Variants in REV3L observed in about 807,000 individuals in gnomAD.
The protein encoded by REV3L is REV3 like, DNA directed polymerase zeta catalytic subunit.
A neutral mutation model predicts 299.4 loss-of-function variants in REV3L; 69 were observed. That is an observed-to-expected ratio of 0.23 (90% confidence interval 0.19 to 0.28). The LOEUF (loss-of-function observed/expected upper bound fraction) is 0.28. REV3L is among the 10% of genes least tolerant of loss of function. The probability of loss-of-function intolerance (pLI) is 1.00; values close to 1 mark genes in which losing one functional copy is unlikely to be tolerated. For synonymous variants in REV3L, 1,238 were observed against 1,271.4 expected, an observed-to-expected ratio of 0.97 and a Z score of 0.56; for missense variants, 3,128 against 3,693.8, an observed-to-expected ratio of 0.85 and a Z score of 3.97.
intron 30 of REV3L, 111 bp downstream of exon 30, chr6:111,309,742 T>C: frequency 8.0e-7 from 1 of 1,256,922 alleles, no homozygotes; most frequent in Non-Finnish European, 1.1e-6. Context: ...GACCACACTC[T>C]TCCCTTCCCA....
Position 111,373,181 on chromosome 6 carries a change from G to C in REV3L, c.5174C>G (p.Pro1725Arg), listed in dbSNP as rs1779972764. The C allele has an allele frequency of 6.2e-7, 1 of 1,614,002 alleles. No individual in the cohort carries two copies. The highest frequency in any genetic ancestry group is 8.5e-7 in the Non-Finnish European group (1 of 1,180,018). Reference protein sequence around the residue: ...ASWIRSGTLSPEIFEKSTIDS... With the variant: ...ASWIRSGTLSREIFEKSTIDS... ...TATGGTTGACTTCTCAAAAATTTCA[G>C]GACTTAAAGTACCAGATCTAATCCA... The change falls in exon 13 of 32, where the codon CCT becomes CGT. Residue 1725 changes from proline (P) to arginine (R), a missense_variant. Pro to Arg is a moderately radical substitution (Grantham distance 103). Around this residue, in one of 9 missense-constraint regions of REV3L, gnomAD observed 2,409 missense variants for 2,611.8 expected, o/e 0.92. Transcript: ENST00000368802.
intron 18 of REV3L, among the ~76,000 whole-genome samples, chr6:111,355,013 G>T (rs1011880447): frequency 6.6e-6 from 1 of 152,080 alleles, no homozygotes; most frequent in African/African-American, 2.4e-5. Context: ...ATTTAGGGAA[G>T]AGGAAAAGGG....
At chr6:111,380,450 G>A (rs1030054406) in intron 10 of REV3L, among the ~76,000 whole-genome samples, 11 of 152,046 alleles carry the variant, frequency 7.2e-5, no homozygotes, top group African/African-American at 2.2e-4. Flanking sequence ...TAGCAGAGAT[G>A]GGGTTTCACC....
intron 1 of REV3L, among the ~76,000 whole-genome samples, chr6:111,455,650 G>C (rs940205246): frequency 6.6e-6 from 1 of 152,072 alleles, no homozygotes; most frequent in Admixed American, 6.6e-5. Context: ...CCATGGAAAT[G>C]GACAGAGAAT....
intron 22 of REV3L, among the ~76,000 whole-genome samples, chr6:111,334,832 C>T (rs1775751770): frequency 6.6e-6 from 1 of 152,128 alleles, no homozygotes; most frequent in Non-Finnish European, 1.5e-5. Context: ...GTTATAGACA[C>T]AGGTAATTAA....
In REV3L at chr6:111,374,687, T is replaced by C. The variant is rs1780121393; in HGVS notation, c.3668A>G (p.His1223Arg). ...KTNEKGTSRKHTTLKDEKIKS... is the reference protein window; with the variant it reads ...KTNEKGTSRKRTTLKDEKIKS... ...TATTTTTTCATCCTTAAGTGTTGTATGCTTTCTCGATGTACCTTTCTCATT... is the reference window on the plus strand; with the variant it reads ...TATTTTTTCATCCTTAAGTGTTGTACGCTTTCTCGATGTACCTTTCTCATT... Residue 1223 changes from histidine (H) to arginine (R), a missense_variant, in exon 13 of 32, where the codon CAT becomes CGT. His to Arg is a conservative substitution (Grantham distance 29). Transcript: ENST00000368802. The C allele has an allele frequency of 6.2e-7, 1 of 1,613,398 alleles. No individual in the cohort carries two copies. The highest frequency in any genetic ancestry group is 8.5e-7 in the Non-Finnish European group (1 of 1,179,908).
chr6:111,351,918 G>T, intron 18 of REV3L, 127 bp from the exon 19 acceptor site: 1 of 579,780 alleles, frequency 1.7e-6, no homozygotes. Flanking sequence ...CCCAGATGGA[G>T]AAGGGATGAT....
In REV3L at chr6:111,335,629, C is replaced by T. The variant is rs1218272039; in HGVS notation, c.7539-19G>A. 1 of 1,588,338 alleles carries T rather than the reference C, an allele frequency of 6.3e-7. No individual in the cohort carries two copies. Among genetic ancestry groups the T allele is most frequent in the African/African-American group, 1.4e-5 (1 of 73,432 alleles). ...TTTCCATCTGTTAAAAAAGAATCCA[C>T]ATTATGAACATCAGGGAAAAATTTG... On this transcript the variant is annotated intron_variant, in intron 21 of 31. Coordinates refer to ENST00000368802, the MANE Select transcript of REV3L (RefSeq NM_001372078.1).
intron 16 of REV3L, among the ~76,000 whole-genome samples, chr6:111,361,917 C>T (rs1778731432): frequency 6.6e-6 from 1 of 152,162 alleles, no homozygotes; most frequent in Non-Finnish European, 1.5e-5. Context: ...GCTGTCAGAG[C>T]AACCAGTGAG....
chr6:111,359,520 G>GGA (rs1491511143), intron 16 of REV3L, among the ~76,000 whole-genome samples: 8 of 102,594 alleles, frequency 7.8e-5, no homozygotes, highest in East Asian at 2.8e-4. Context: ...AGTTTTTCCT[G>GGA]AAAAAAAAAA....
At chr6:111,413,880 T>A (rs916503420) in intron 2 of REV3L, among the ~76,000 whole-genome samples, 1 of 152,068 alleles carries the variant, frequency 6.6e-6, no homozygotes, top group African/African-American at 2.4e-5. Flanking sequence ...GACTTAACTT[T>A]GAAATGAGGA....
intron 1 of REV3L, among the ~76,000 whole-genome samples, chr6:111,477,384 CAT>C (rs1342703420): frequency 6.6e-6 from 1 of 152,210 alleles, no homozygotes; most frequent in Non-Finnish European, 1.5e-5. Flanking sequence ...ATCTCCAACA[CAT>C]ATGAAATTAC....
At chr6:111,323,971 G>T (rs1271845839) in intron 25 of REV3L, among the ~76,000 whole-genome samples, 1 of 152,026 alleles carries the variant, frequency 6.6e-6, no homozygotes, top group Admixed American at 6.6e-5. Flanking sequence ...TAGTAGAAAC[G>T]AGTTGGGATT....
intron 9 of REV3L, among the ~76,000 whole-genome samples, chr6:111,385,228 T>C (rs757130888): frequency 9.2e-5 from 14 of 152,084 alleles, no homozygotes; most frequent in Admixed American, 3.9e-4. Context: ...ATCTATTGTA[T>C]ATTAAAAAAT....
chr6:111,365,215 GA>G, intron 15 of REV3L, 49 bp downstream of exon 15: 1 of 1,159,048 alleles, frequency 8.6e-7, no homozygotes, highest in South Asian at 1.6e-5. Flanking sequence ...TGAAATCTAG[GA>G]AAAAGACTGG....
At chr6:111,423,107 C>T (rs184035958) in intron 1 of REV3L, among the ~76,000 whole-genome samples, 57 of 151,596 alleles carry the variant, frequency 3.8e-4, no homozygotes, top group Non-Finnish European at 5.9e-4. Context: ...TTTGTGGAGA[C>T]CCAATGTTTG....
At chr6:111,419,132 A>G (rs1785057467) in intron 1 of REV3L, among the ~76,000 whole-genome samples, 1 of 152,200 alleles carries the variant, frequency 6.6e-6, no homozygotes, top group Admixed American at 6.5e-5. Flanking sequence ...CACTCTATCA[A>G]CACAGACGTA....
chr6:111,443,798 C>CTG (rs1788542541), intron 1 of REV3L, among the ~76,000 whole-genome samples: 2 of 152,200 alleles, frequency 1.3e-5, no homozygotes, highest in African/African-American at 4.8e-5. Flanking sequence ...CCATACACAG[C>CTG]TTAACATTCA....
chr6:111,421,571 A>G (rs1785359644), intron 1 of REV3L, among the ~76,000 whole-genome samples: 1 of 152,152 alleles, frequency 6.6e-6, no homozygotes, highest in Admixed American at 6.5e-5. Flanking sequence ...CTCTGCTCTA[A>G]TTAATTAGAC....
Sources: allele counts gnomAD v4.1 joint callset (sites outside exome capture counted in the v4.1 genomes callset), GRCh38; gene constraint gnomAD v4.1.1; regional missense constraint gnomAD v4.1.1; transcripts MANE v1.5; gene names NCBI Gene and HGNC (gene_info 2026-07-23, HGNC 2026-07-21).